ARHGEF7: variants seen among roughly 807,000 people sequenced by gnomAD.
ARHGEF7 encodes PAK-interacting exchange factor beta.
A neutral mutation model predicts 109.8 loss-of-function variants in ARHGEF7; 33 were observed. The observed-to-expected ratio is 0.30, with a 90% CI of 0.23 to 0.40. The LOEUF is 0.40. Ranked by LOEUF, ARHGEF7 falls within the 10% of genes least tolerant of loss-of-function variation. ARHGEF7 has a pLI of 1.00. For synonymous variants in ARHGEF7, 458 were observed against 424.6 expected (o/e 1.08, Z -0.97); for missense variants, 938 against 1,098.5 (o/e 0.85, Z 2.07).
In ARHGEF7 at chr13:111,274,729, AG is replaced by A; in HGVS notation, c.1213del. On this transcript the variant is annotated splice_acceptor_variant, in intron 10 of 21. Transcript: ENST00000646102. LOFTEE classifies it high-confidence loss of function. ...CTAATTGTATGTTTCTTTTACTCAA[AG>A]GATTATCATACAGATAGACAAGATA... 6.8e-7 allele frequency: 1 copy of A among 1,475,686 alleles called. No homozygotes were observed. Among genetic ancestry groups the A allele is most frequent in the Non-Finnish European group, 9.0e-7 (1 of 1,107,962 alleles). The allele number at this position is 1,475,686 out of a possible 1,614,324, so 91.4% of individuals were successfully genotyped here. A position where few individuals can be genotyped will look rare whatever the true frequency, so the allele number is the denominator to read the frequency against.
intron 2 of ARHGEF7, among the ~76,000 whole-genome samples, chr13:111,195,308 C>T (rs151138508): frequency 5.8e-4 from 89 of 152,222 alleles, no homozygotes; most frequent in African/African-American, 2.0e-3. Context: ...TAGATAATAG[C>T]TCCAGCTTTG....
At chr13:111,276,913 CTT>C (rs975178758) in intron 12 of ARHGEF7, among the ~76,000 whole-genome samples, 3 of 152,014 alleles carry the variant, frequency 2.0e-5, no homozygotes, top group African/African-American at 7.2e-5. Flanking sequence ...TTCTTAGGAA[CTT>C]TTTTCTTTCA....
Position 111,241,074 on chromosome 13 carries a change from A to G in ARHGEF7, c.760-2798A>G, listed in dbSNP as rs2087691804. The G allele has an allele frequency of 2.1e-6, 3 of 1,429,048 alleles. No individual in the cohort carries two copies. In the Admixed American group the frequency reaches 7.1e-5, roughly 34 times the overall value. The allele number at this position is 1,429,048 out of a possible 1,614,324, so 88.5% of individuals were successfully genotyped here. A position where few individuals can be genotyped will look rare whatever the true frequency, so the allele number is the denominator to read the frequency against. On this transcript the variant is annotated intron_variant, in intron 6 of 21. Coordinates refer to ENST00000646102, the MANE Select transcript of ARHGEF7 (RefSeq NM_001354046.2). Reference sequence around the variant, plus strand: ...TTTGCTGTGCTCTGAGGCGGGCAGCATAGGGATTGAGTGGCACCAGTGTTT... The same window carrying G: ...TTTGCTGTGCTCTGAGGCGGGCAGCGTAGGGATTGAGTGGCACCAGTGTTT...
rs1306645457 is a variant in ARHGEF7 at position 111,266,971 on chromosome 13, C to T, written c.951-577C>T. The T allele has an allele frequency of 8.8e-6, 4 of 452,198 alleles. No individual in the cohort carries two copies. Among genetic ancestry groups the T allele is most frequent in the African/African-American group, 4.0e-5 (2 of 49,988 alleles). 28.0% of individuals were successfully genotyped at this position (452,198 alleles called of 1,614,324 possible). A position where few individuals can be genotyped will look rare whatever the true frequency, so the allele number is the denominator to read the frequency against. On this transcript the variant is annotated intron_variant, in intron 8 of 21. Transcript: ENST00000646102. This position sits in a 1 kb window ranked among gnomAD's most constrained non-coding sequence, Gnocchi z 4.8. ...ATGCCCACAGCTTGTGCCGACTTGT[C>T]ACCCCTCATGCAGCTTCCAGTGCTG... is the stretch of plus-strand genomic sequence containing the variant.
intron 4 of ARHGEF7, among the ~76,000 whole-genome samples, chr13:111,216,735 G>A (rs1392912581): frequency 3.3e-5 from 5 of 152,312 alleles, no homozygotes; most frequent in East Asian, 1.9e-4. Flanking sequence ...GGGGTGGGCC[G>A]GGGCTGAGGT....
chr13:111,193,116 A>G (rs983465600), intron 2 of ARHGEF7, among the ~76,000 whole-genome samples: 3 of 152,162 alleles, frequency 2.0e-5, no homozygotes, highest in East Asian at 3.9e-4. Flanking sequence ...TTCAATACCC[A>G]TATGAAAAGT....
chr13:111,119,980 T>C (rs2067071504), intron 1 of ARHGEF7, among the ~76,000 whole-genome samples: 1 of 152,224 alleles, frequency 6.6e-6, no homozygotes, highest in Admixed American at 6.5e-5. Flanking sequence ...AGAGAAGTTA[T>C]AATATGGTAT....
chr13:111,247,450 T>A (rs536064926), intron 8 of ARHGEF7, among the ~76,000 whole-genome samples: 4 of 152,234 alleles, frequency 2.6e-5, no homozygotes, highest in Non-Finnish European at 5.9e-5. Flanking sequence ...TATGTATTTT[T>A]AGTAGAGACG....
intron 4 of ARHGEF7, among the ~76,000 whole-genome samples, chr13:111,211,441 T>G (rs1181394832): frequency 6.6e-6 from 1 of 152,234 alleles, no homozygotes; most frequent in Non-Finnish European, 1.5e-5. Flanking sequence ...TACAAATGTA[T>G]AATTTTAAGT....
Position 111,205,275 on chromosome 13 carries a change from A to AT in ARHGEF7, c.253-9dup. ...AGACTCTACTAATTTTGCTTGTTTA[A>AT]TTTTTCCTTTCAGACGTTTGATGCA... On this transcript the variant is annotated splice_polypyrimidine_tract_variant and intron_variant, in intron 2 of 21. Coordinates refer to ENST00000646102, the MANE Select transcript of ARHGEF7 (RefSeq NM_001354046.2). 6.3e-7 allele frequency: 1 copy of AT among 1,593,614 alleles called. No homozygotes were observed.
chr13:111,224,247 T>C (rs1176764115), intron 5 of ARHGEF7, among the ~76,000 whole-genome samples: 1 of 115,280 alleles, frequency 8.7e-6, no homozygotes, highest in Non-Finnish European at 1.6e-5. Flanking sequence ...ATTTCCTAAA[T>C]TCAAGGGAGA....
At chr13:111,294,642 C>G (rs1487494833) in intron 19 of ARHGEF7, 1 of 985,430 alleles carries the variant, frequency 1.0e-6, no homozygotes, top group Non-Finnish European at 1.2e-6. Context: ...ATTAGTGCCA[C>G]AAGCCTGAAA....
At position 111,303,136 on chromosome 13, in the gene ARHGEF7, T is replaced by A; in HGVS notation, c.*23T>A. ...TAAGGGATGTCCTCAGTTCTTTCTG[T>A]TGAAGACCAGTTCTGAGGTGAAGCT... On this transcript the variant is annotated 3_prime_UTR_variant, in exon 22 of 22. Transcript: ENST00000646102. 6.2e-7 allele frequency: 1 copy of A among 1,604,236 alleles called. No individual in the cohort carries two copies. Among genetic ancestry groups the A allele is most frequent in the Non-Finnish European group, 8.5e-7 (1 of 1,174,622 alleles).
chr13:111,156,470 G>T (rs1781743351), intron 2 of ARHGEF7, among the ~76,000 whole-genome samples: 1 of 152,192 alleles, frequency 6.6e-6, no homozygotes, highest in Non-Finnish European at 1.5e-5. Flanking sequence ...AATTACCTAG[G>T]AGATAATAAA....
Position 111,283,188 on chromosome 13 carries a change from C to T in ARHGEF7, c.1775C>T (p.Pro592Leu). The T allele has an allele frequency of 6.3e-7, 1 of 1,597,534 alleles. No homozygotes were observed. The highest frequency in any genetic ancestry group is 8.5e-7 in the Non-Finnish European group (1 of 1,173,190). Residue 592 changes from proline (P) to leucine (L), a missense_variant, in exon 16 of 22, where the codon CCC (proline) becomes CTC (leucine). Coordinates refer to ENST00000646102, the MANE Select transcript of ARHGEF7 (RefSeq NM_001354046.2). ...TPSSKHADSKPAPLTPAYHTL... is the reference protein window; with the variant it reads ...TPSSKHADSKLAPLTPAYHTL... ...TCCAGCAAGCACGCAGACAGCAAGC[C>T]CGCGCCGCTGACGCCCGCCTACCAC...
At chr13:111,292,794 A>G in intron 19 of ARHGEF7, 2 of 995,324 alleles carry the variant, frequency 2.0e-6, no homozygotes, top group Non-Finnish European at 1.2e-6. Flanking sequence ...AGTTGTGGAG[A>G]GATGAGAAGA....
chr13:111,275,584 C>T lies in ARHGEF7; in HGVS notation c.1325C>T (p.Thr442Met), dbSNP rs766587160. 3.2e-5 allele frequency: 51 copies of T among 1,613,994 alleles called. No individual in the cohort carries two copies. Among genetic ancestry groups the T allele is most frequent in the Admixed American group, 2.2e-4 (13 of 59,996 alleles). Residue 442 changes from threonine to methionine, a missense_variant, in exon 12 of 22, where the codon ACG (threonine) becomes ATG (methionine). This residue lies in a region of ARHGEF7 where 585 missense variants were observed against 723.6 expected (regional missense o/e 0.81). Transcript: ENST00000646102. ...AAAGAGCTTGAGCTGCAGATCCTGA[C>T]GGAAGCCATCCGGAACTGGGAGGGC... The part of the protein sequence containing the change: ...KRKELELQIL[T>M]EAIRNWEGDD...
At chr13:111,125,520 A>G (rs1450829001) in intron 1 of ARHGEF7, among the ~76,000 whole-genome samples, 1 of 152,154 alleles carries the variant, frequency 6.6e-6, no homozygotes, top group Admixed American at 6.5e-5. Context: ...TTTGTCTAAA[A>G]TGGGCATCCA....
chr13:111,230,052 A>G (rs535542548), intron 5 of ARHGEF7, among the ~76,000 whole-genome samples: 2 of 152,254 alleles, frequency 1.3e-5, no homozygotes, highest in South Asian at 4.1e-4. Flanking sequence ...GCCTGGAGAC[A>G]GGTGTGTCTC....
Sources: gnomAD v4.1 joint callset for allele counts (sites outside exome capture counted in the v4.1 genomes callset) on GRCh38, gnomAD v4.1.1 for gene constraint, gnomAD v4.1.1 regional missense constraint, Gnocchi (gnomAD v3.1) non-coding constraint, MANE v1.5 for transcripts, NCBI Gene and HGNC (gene_info 2026-07-23, HGNC 2026-07-21) for gene names.